The following CLSPN variants were observed in gnomAD, a reference collection of about 807,000 sequenced individuals.
The protein encoded by CLSPN is claspin homolog.
Under a neutral mutation model 156.3 loss-of-function variants are expected in CLSPN, and 85 were observed. The observed-to-expected ratio is 0.54, with a 90% CI of 0.46 to 0.65. The LOEUF is 0.65. Among genes scored for constraint, CLSPN ranks in the 30% least tolerant of loss-of-function variants. CLSPN has a pLI of 0.00. For synonymous variants in CLSPN, 534 were observed against 542.4 expected (o/e 0.98, Z 0.22); for missense variants, 1,407 against 1,554.9 (o/e 0.90, Z 1.60).
At position 35,769,823 on chromosome 1, in the gene CLSPN, T is replaced by TG. The variant is rs1642806234; in HGVS notation, c.24+23dup. On this transcript the variant is annotated intron_variant, in intron 1 of 24. Coordinates refer to ENST00000318121, the MANE Select transcript of CLSPN (RefSeq NM_022111.4). ...CGGTGCCCGGCCTTCTAAGCCCCCG[T>TG]GGGGGGCGTGTGCATAAACTCACCT... 7 of 1,590,748 alleles carry TG rather than the reference T, an allele frequency of 4.4e-6. No individual in the cohort carries two copies. In the Admixed American group the frequency reaches 5.2e-5, roughly 12 times the overall value.
At chr1:35,745,362 G>A (rs1228088093) in intron 16 of CLSPN, 89 bp downstream of exon 16, 66 of 873,936 alleles carry the variant, frequency 7.6e-5, no homozygotes, top group Non-Finnish European at 5.6e-6. Context: ...AAGATTCTCA[G>A]AAAAGGTGCA....
chr1:35,732,262 G>GA lies in CLSPN; in HGVS notation c.*4233dup, dbSNP rs1276923572. On this transcript the variant is annotated 3_prime_UTR_variant, in exon 25 of 25. Transcript: ENST00000318121. ...TAGTATCATGGGAACACTCCTCCCAGAAATACTCTCCTCTATCCTTAGGAG... is the reference window on the plus strand; with the variant it reads ...TAGTATCATGGGAACACTCCTCCCAGAAAATACTCTCCTCTATCCTTAGGAG... The GA allele has an allele frequency of 1.0e-6, 1 of 985,244 alleles. No homozygotes were observed. Among genetic ancestry groups the GA allele is most frequent in the African/African-American group, 1.7e-5 (1 of 57,216 alleles). The allele number at this position is 985,244 out of a possible 1,614,324, so 61.0% of individuals were successfully genotyped here.
chr1:35,741,486 T>G lies in CLSPN; in HGVS notation c.3143+1655A>C, dbSNP rs771723133. Among the ~76,000 whole-genome samples, 61 of 152,180 alleles carry G rather than the reference T, an allele frequency of 4.0e-4. 1 individual carries two copies. The highest frequency in any genetic ancestry group is 3.4e-3 in the Middle Eastern group (1 of 294). On this transcript the variant is annotated intron_variant, in intron 18 of 24. Coordinates refer to ENST00000318121, the MANE Select transcript of CLSPN (RefSeq NM_022111.4). ...CACTGGCCATCACGCTTGGCTAATT[T>G]TGTATTTTTAGTAGAGACGGGGTCT...
chr1:35,732,930 T>C lies in CLSPN; in HGVS notation c.*3566A>G, dbSNP rs1295504665. ...CAAGTTTTCTTTCTCCAAAGAGTGC[T>C]TTCTCCCAGGAGCCTCAATCAGAAA... On this transcript the variant is annotated 3_prime_UTR_variant, in exon 25 of 25. Transcript: ENST00000318121. 1.3e-5 allele frequency: 13 copies of C among 985,276 alleles called. No homozygotes were observed. In the Admixed American group the frequency reaches 8.0e-4, roughly 61 times the overall value. 61.0% of individuals were successfully genotyped at this position (985,276 alleles called of 1,614,324 possible).
rs780523039 is a variant in CLSPN, at chr1:35,748,507, G to A, written c.2370C>T (p.Asn790=). 4 of 1,614,028 alleles carry A rather than the reference G, an allele frequency of 2.5e-6. No individual in the cohort carries two copies. In the African/African-American group the frequency reaches 5.3e-5, roughly 22 times the overall value. ...GSTIPSYQPC[N]RQTGRGTSFF... Reference sequence around the variant, plus strand: ...AACTGGTCCCACGGCCTGTTTGTCTGTTGCAAGGCTGATAGGATGGAATCG... The same window carrying A: ...AACTGGTCCCACGGCCTGTTTGTCTATTGCAAGGCTGATAGGATGGAATCG... The change falls in exon 13 of 25, where the codon AAC becomes AAT. Residue 790 remains asparagine (N), a synonymous_variant. Coordinates refer to ENST00000318121, the MANE Select transcript of CLSPN (RefSeq NM_022111.4).
At chr1:35,722,009 C>T (rs895575034) in intron 24 of CLSPN, among the ~76,000 whole-genome samples, 4 of 151,428 alleles carry the variant, frequency 2.6e-5, no homozygotes, top group Admixed American at 6.6e-5. Context: ...CATGGTGGTG[C>T]GCGTCTGTAA....
chr1:35,723,905 T>G (rs1641125145), intron 24 of CLSPN, among the ~76,000 whole-genome samples: 1 of 152,124 alleles, frequency 6.6e-6, no homozygotes. Context: ...GCACGAGAAC[T>G]GCTTGAACTT....
chr1:35,749,598 G>A (rs767804961), intron 11 of CLSPN, 35 bp downstream of exon 11: 1 of 1,613,508 alleles, frequency 6.2e-7, no homozygotes, highest in Non-Finnish European at 8.5e-7. Flanking sequence ...GCAAATCCAA[G>A]GCAATTTTAA....
At chr1:35,723,085 A>G (rs1380629485) in intron 24 of CLSPN, among the ~76,000 whole-genome samples, 1 of 152,232 alleles carries the variant, frequency 6.6e-6, no homozygotes, top group Admixed American at 6.5e-5. Flanking sequence ...AGGGATGTCC[A>G]TGTCCACAGG....
At position 35,735,041 on chromosome 1, in the gene CLSPN, C is replaced by T. The variant is rs1386117188; in HGVS notation, c.*1455G>A. On this transcript the variant is annotated 3_prime_UTR_variant, in exon 25 of 25. Coordinates refer to ENST00000318121, the MANE Select transcript of CLSPN (RefSeq NM_022111.4). ...AATTAGTAATGAAATGCTGAAATGTCCATTGATTAGTGAGGGCAATGTATG... is the reference window on the plus strand; with the variant it reads ...AATTAGTAATGAAATGCTGAAATGTTCATTGATTAGTGAGGGCAATGTATG... The T allele has an allele frequency of 9.1e-6, 9 of 985,290 alleles. No homozygotes were observed. Among genetic ancestry groups the T allele is most frequent in the Non-Finnish European group, 1.1e-5 (9 of 829,934 alleles). 61.0% of individuals were successfully genotyped at this position (985,290 alleles called of 1,614,324 possible).
Position 35,738,002 on chromosome 1 carries a change from C to A in CLSPN, c.3654G>T (p.Leu1218=). 1 of 1,479,736 alleles carries A rather than the reference C, an allele frequency of 6.8e-7. No homozygotes were observed. 91.7% of individuals were successfully genotyped at this position (1,479,736 alleles called of 1,614,324 possible). A position where few individuals can be genotyped will look rare whatever the true frequency, so the allele number is the denominator to read the frequency against. Residue 1218 remains leucine, a synonymous_variant, in exon 22 of 25, where the codon CTG becomes CTT. Coordinates refer to ENST00000318121, the MANE Select transcript of CLSPN (RefSeq NM_022111.4). ...GAAACAAGAGCTCACCATTCTTCTG[C>A]AGTGCTTTGGCTGTAACTTTCTTGG... The part of the protein sequence containing the change: ...ILAKKVTAKA[L]QKNASRPMVI...
intron 12 of CLSPN, 177 bp from the exon 13 acceptor site, chr1:35,748,781 C>G (rs1388659985): frequency 3.5e-6 from 2 of 570,534 alleles, no homozygotes; most frequent in Non-Finnish European, 6.4e-6. Flanking sequence ...ATTATATAAT[C>G]AGGGCTTATT....
chr1:35,753,972 A>G, intron 8 of CLSPN, 36 bp from the exon 9 acceptor site: 1 of 1,601,062 alleles, frequency 6.2e-7, no homozygotes, highest in Non-Finnish European at 8.5e-7. Context: ...TCAGTTTGCC[A>G]TGCTCAAAAC....
rs376781573 is a variant in CLSPN, at chr1:35,726,882, G to A, written c.3910-5902C>T. ...ACTAAGGCCTGGACAGTTTAAGAAA[G>A]TTTTGTTGTTTTAGTCAGGAGGGTG... On this transcript the variant is annotated intron_variant, in intron 24 of 24. Transcript: ENST00000251195. Among the ~76,000 whole-genome samples, 7 of 152,160 alleles carry A rather than the reference G, an allele frequency of 4.6e-5. No individual in the cohort carries two copies. In the East Asian group the frequency reaches 1.3e-3, roughly 29 times the overall value.
intron 13 of CLSPN, 91 bp downstream of exon 13, chr1:35,748,314 C>T (rs1641960763): frequency 8.9e-6 from 11 of 1,235,758 alleles, no homozygotes; most frequent in Admixed American, 8.6e-5. Flanking sequence ...TCAGTACCAA[C>T]GTGGTGGGAG....
At chr1:35,750,071 T>A (rs1179684213) in intron 10 of CLSPN, among the ~76,000 whole-genome samples, 1 of 152,210 alleles carries the variant, frequency 6.6e-6, no homozygotes, top group Non-Finnish European at 1.5e-5. Context: ...ATCATTTTAT[T>A]GAGGCAGTAA....
In CLSPN at chr1:35,727,048, G is replaced by A. The variant is rs143036805; in HGVS notation, c.3910-6068C>T. Among the ~76,000 whole-genome samples the A allele has an allele frequency of 5.9e-3, 898 of 152,308 alleles. 5 individuals carry two copies. Among genetic ancestry groups the A allele is most frequent in the Non-Finnish European group, 0.01 (711 of 68,030 alleles). The stretch of plus-strand genomic sequence containing the variant: ...GCCCTCTGGTGGGCATAAAGAGACA[G>A]TATCCACACCTCCAACGCTGGAAAT... On this transcript the variant is annotated intron_variant, in intron 24 of 24. Coordinates refer to the CLSPN transcript ENST00000251195.
intron 3 of CLSPN, among the ~76,000 whole-genome samples, chr1:35,763,782 G>GT (rs1380489253): frequency 6.9e-6 from 1 of 145,610 alleles, no homozygotes; most frequent in African/African-American, 2.6e-5. Context: ...AATAAGTTTT[G>GT]TTTTTTTGGT....
chr1:35,733,881 T>C lies in CLSPN; in HGVS notation c.*2615A>G. On this transcript the variant is annotated 3_prime_UTR_variant, in exon 25 of 25. Coordinates refer to ENST00000318121, the MANE Select transcript of CLSPN (RefSeq NM_022111.4). ...AATGTGGCCCAGCTATTCCAAAGGT[T>C]GAGGAAGGAGGATGCTGAAGCCCAG... 1 of 598,856 alleles carries C rather than the reference T, an allele frequency of 1.7e-6. No homozygotes were observed. Among genetic ancestry groups the C allele is most frequent in the African/African-American group, 2.0e-5 (1 of 49,690 alleles). 37.1% of individuals were successfully genotyped at this position (598,856 alleles called of 1,614,324 possible). A position where few individuals can be genotyped will look rare whatever the true frequency, so the allele number is the denominator to read the frequency against.
Sources: allele counts gnomAD v4.1 joint callset (sites outside exome capture counted in the v4.1 genomes callset), GRCh38; gene constraint gnomAD v4.1.1; transcripts MANE v1.5; gene names NCBI Gene and HGNC (gene_info 2026-07-23, HGNC 2026-07-21).